The following GIGYF2 variants were observed in gnomAD, a reference collection of about 807,000 sequenced individuals.
GIGYF2 encodes the protein GRB10-interacting GYF protein 2.
GIGYF2 carries 25 observed loss-of-function variants against 208.1 expected under a neutral mutation model. The observed-to-expected ratio is 0.12, with a 90% CI of 0.09 to 0.17. The LOEUF is 0.17. Among genes scored for constraint, GIGYF2 ranks in the 10% least tolerant of loss-of-function variants. The pLI is 1.00. For missense variants in GIGYF2, 1,302 were observed against 1,579.4 expected (o/e 0.82, Z 2.98); for synonymous variants, 534 against 543.8 (o/e 0.98, Z 0.25).
chr2:232,749,495 A>G (rs905826305), intron 5 of GIGYF2, among the ~76,000 whole-genome samples: 37 of 151,136 alleles, frequency 2.4e-4, no homozygotes, highest in Admixed American at 2.1e-3. Context: ...TCTGTCACCA[A>G]TGTGTGTGTG....
chr2:232,728,067 T>C (rs1337505606), intron 2 of GIGYF2, among the ~76,000 whole-genome samples: 1 of 152,220 alleles, frequency 6.6e-6, no homozygotes, highest in Non-Finnish European at 1.5e-5. Context: ...GGGAACTATT[T>C]TATGGAGTAG....
chr2:232,698,701 G>A (rs1199648549), intron 1 of GIGYF2, among the ~76,000 whole-genome samples: 2 of 152,172 alleles, frequency 1.3e-5, no homozygotes, highest in Non-Finnish European at 2.9e-5. Flanking sequence ...CAACAGAAGA[G>A]GACACTAGAA....
intron 9 of GIGYF2, among the ~76,000 whole-genome samples, chr2:232,789,540 A>G (rs1298291432): frequency 6.6e-6 from 1 of 152,176 alleles, no homozygotes; most frequent in Non-Finnish European, 1.5e-5. Flanking sequence ...TTGTTTTTAT[A>G]TGAAGGGATG....
In GIGYF2 at chr2:232,791,157, T is replaced by C. The variant is rs1700058806; in HGVS notation, c.1080T>C (p.Asp360=). Residue 360 remains aspartate (D), a synonymous_variant, in exon 11 of 29, where the codon GAT becomes GAC. Coordinates refer to ENST00000373563, the MANE Select transcript of GIGYF2 (RefSeq NM_001103146.3). ...KTNKKEGEKT[D]RVGVEASEET... ...ATAAGAAAGAAGGAGAGAAAACAGA[T>C]AGAGTAGGAGTTGGTAAGGCCTCTT... The C allele has an allele frequency of 2.5e-6, 4 of 1,613,800 alleles. No homozygotes were observed. Among genetic ancestry groups the C allele is most frequent in the South Asian group, 1.1e-5 (1 of 91,058 alleles).
At chr2:232,726,094 C>T (rs1339172155) in intron 2 of GIGYF2, among the ~76,000 whole-genome samples, 1 of 152,068 alleles carries the variant, frequency 6.6e-6, no homozygotes, top group Non-Finnish European at 1.5e-5. Context: ...GCGCCGTGGC[C>T]CACACCTGTA....
At chr2:232,836,341 C>A (rs1180707445) in intron 22 of GIGYF2, among the ~76,000 whole-genome samples, 1 of 12,892 alleles carries the variant, frequency 7.8e-5, no homozygotes, top group African/African-American at 2.8e-4. Context: ...CATATATATA[C>A]TTATATATTT....
At chr2:232,720,826 C>T (rs560363654) in intron 2 of GIGYF2, among the ~76,000 whole-genome samples, 6 of 152,074 alleles carry the variant, frequency 3.9e-5, no homozygotes, top group Non-Finnish European at 5.9e-5. Context: ...AACTCCTGGC[C>T]TCAATCGATC....
chr2:232,710,252 C>G lies in GIGYF2; in HGVS notation c.-44+6763C>G, dbSNP rs183398791. ...GGGATTACAGGTGTGAGCCACCGCG[C>G]CTGGCCTAAAAAGTTATTTTAAGAG... On this transcript the variant is annotated intron_variant, in intron 2 of 28. Transcript: ENST00000373563. Among the ~76,000 whole-genome samples, 140 of 152,246 alleles carry G rather than the reference C, an allele frequency of 9.2e-4. 1 individual carries two copies. Among genetic ancestry groups the G allele is most frequent in the African/African-American group, 3.1e-3 (129 of 41,546 alleles).
chr2:232,740,262 A>G (rs530371308), intron 3 of GIGYF2, among the ~76,000 whole-genome samples: 15 of 152,274 alleles, frequency 9.9e-5, no homozygotes, highest in Non-Finnish European at 1.3e-4. Flanking sequence ...TTTGAGACCA[A>G]CCTGGGACAA....
chr2:232,777,135 A>G (rs1221678789), intron 8 of GIGYF2, among the ~76,000 whole-genome samples: 1 of 151,934 alleles, frequency 6.6e-6, no homozygotes, highest in Non-Finnish European at 1.5e-5. Context: ...TAAAGGCTGT[A>G]TACAAAGACC....
chr2:232,818,137 T>A (rs984232850), intron 20 of GIGYF2, among the ~76,000 whole-genome samples: 8 of 152,228 alleles, frequency 5.3e-5, no homozygotes, highest in African/African-American at 1.9e-4. Context: ...CCCTAATGAT[T>A]AGTGTTGTTG....
chr2:232,709,250 T>A (rs1696270928), intron 2 of GIGYF2, among the ~76,000 whole-genome samples: 1 of 152,242 alleles, frequency 6.6e-6, no homozygotes, highest in Non-Finnish European at 1.5e-5. Flanking sequence ...ATATAATACC[T>A]GGCATGCATT....
At chr2:232,794,704 GTC>G (rs767970272) in intron 12 of GIGYF2, 42 bp from the exon 13 acceptor site, 4 of 1,441,466 alleles carry the variant, frequency 2.8e-6, no homozygotes, top group Non-Finnish European at 3.9e-6. Flanking sequence ...CTTCACAGAA[GTC>G]TCTGTATTTC....
chr2:232,760,677 A>G (rs1205534073), intron 7 of GIGYF2, 86 bp downstream of exon 7: 4 of 809,564 alleles, frequency 4.9e-6, no homozygotes, highest in Admixed American at 2.0e-5. Flanking sequence ...ATGTTTTTGT[A>G]CAGTTAAAGG....
At chr2:232,845,479 A>G (rs1701967137) in intron 25 of GIGYF2, among the ~76,000 whole-genome samples, 1 of 152,214 alleles carries the variant, frequency 6.6e-6, no homozygotes, top group Non-Finnish European at 1.5e-5. Flanking sequence ...TTACCTAAGG[A>G]CACGTAGGAA....
chr2:232,849,718 G>A (rs182530828), intron 27 of GIGYF2, among the ~76,000 whole-genome samples: 1 of 152,260 alleles, frequency 6.6e-6, no homozygotes, highest in East Asian at 1.9e-4. Context: ...AGGCGTGAAG[G>A]GCTAGTAGGC....
intron 8 of GIGYF2, among the ~76,000 whole-genome samples, chr2:232,785,172 G>C (rs1022516486): frequency 1.3e-5 from 2 of 151,978 alleles, no homozygotes; most frequent in African/African-American, 4.8e-5. Context: ...AGGAAAGCCA[G>C]AATATAGTTC....
chr2:232,810,952 C>T (rs770520527), intron 16 of GIGYF2: 8 of 301,140 alleles, frequency 2.7e-5, no homozygotes, highest in Middle Eastern at 1.1e-3. Context: ...TTTTGACATT[C>T]GTGATTTTAA....
At chr2:232,772,939 G>A (rs1699330085) in intron 8 of GIGYF2, among the ~76,000 whole-genome samples, 1 of 151,842 alleles carries the variant, frequency 6.6e-6, no homozygotes, top group South Asian at 2.1e-4. Context: ...TGGCCACCTG[G>A]GTATATACAA....
Sources: gnomAD v4.1 joint callset for allele counts (sites outside exome capture counted in the v4.1 genomes callset) on GRCh38, gnomAD v4.1.1 for gene constraint, MANE v1.5 for transcripts, NCBI Gene and HGNC (gene_info 2026-07-23, HGNC 2026-07-21) for gene names.